The following USH2A variants were observed in gnomAD, a reference collection of about 807,000 sequenced individuals.
USH2A encodes the protein usherin.
A neutral mutation model predicts 538.9 loss-of-function variants in USH2A; 443 were observed. That is an observed-to-expected ratio of 0.82 (90% CI 0.76 to 0.89). USH2A has a LOEUF of 0.89. USH2A is among the 40% of genes least tolerant of loss of function. The pLI is 0.00. For synonymous variants in USH2A, 2,413 were observed against 2,273.5 expected, an observed-to-expected ratio of 1.06 and a Z score of -1.75; for missense variants, 6,633 against 6,324.8, an observed-to-expected ratio of 1.05 and a Z score of -1.65.
At chr1:215,846,840 G>A (rs909594236) in intron 44 of USH2A, among the ~76,000 whole-genome samples, 6 of 152,034 alleles carry the variant, frequency 3.9e-5, no homozygotes, top group East Asian at 3.9e-4. Context: ...AACAACATTC[G>A]CTAACTGATA....
intron 44 of USH2A, 47 bp from the exon 45 acceptor site, chr1:215,846,080 A>G (rs1558125107): frequency 6.4e-7 from 1 of 1,573,160 alleles, no homozygotes; most frequent in Non-Finnish European, 8.7e-7. Context: ...TGAGGCTTTC[A>G]GGGGAAAAAA....
At chr1:216,421,799 A>G in intron 2 of USH2A, 53 bp downstream of exon 2, 2 of 1,613,182 alleles carry the variant, frequency 1.2e-6, no homozygotes, top group Non-Finnish European at 8.5e-7. Context: ...AATGATCTTC[A>G]CTACTACTGG....
At chr1:215,810,575 T>C (rs1429450424) in intron 49 of USH2A, among the ~76,000 whole-genome samples, 1 of 152,214 alleles carries the variant, frequency 6.6e-6, no homozygotes, top group East Asian at 1.9e-4. Flanking sequence ...CTTAGTTCCA[T>C]GATCAACTTG....
intron 4 of USH2A, among the ~76,000 whole-genome samples, chr1:216,356,996 A>C (rs144344060): frequency 6.6e-6 from 1 of 152,242 alleles, no homozygotes; most frequent in Non-Finnish European, 1.5e-5. Context: ...CCAGTTTAAT[A>C]GTCAGATGTT....
chr1:216,058,360 T>A (rs1277101698), intron 30 of USH2A, among the ~76,000 whole-genome samples: 12 of 149,364 alleles, frequency 8.0e-5, no homozygotes. Flanking sequence ...AATCTTATAC[T>A]TCAGAGAGAG....
intron 4 of USH2A, among the ~76,000 whole-genome samples, chr1:216,347,643 T>C (rs902874625): frequency 5.3e-5 from 8 of 152,166 alleles, no homozygotes; most frequent in Non-Finnish European, 1.0e-4. Context: ...GTAATTCTGA[T>C]ATGACTTAGT....
chr1:215,799,030 G>T lies in USH2A; in HGVS notation c.9835C>A (p.Gln3279Lys). 1 of 1,614,042 alleles carries T rather than the reference G, an allele frequency of 6.2e-7. No homozygotes were observed. Among genetic ancestry groups the T allele is most frequent in the African/African-American group, 1.3e-5 (1 of 75,032 alleles). The change falls in exon 50 of 72, where the codon CAG (glutamine) becomes AAG (lysine). Residue 3279 changes from glutamine to lysine, a missense_variant. Gln to Lys is a moderately conservative substitution (Grantham distance 53). Transcript: ENST00000307340. ...TGAAGCCTCCCAGCACAGCAAATCT[G>T]GTTTCCTGAGGTGGAGTACGGCATT... ...GRMPYSTSGN[Q>K]ICCAGRLHDG...
intron 8 of USH2A, among the ~76,000 whole-genome samples, chr1:216,322,831 T>C (rs1206936775): frequency 6.6e-6 from 1 of 152,150 alleles, no homozygotes; most frequent in East Asian, 1.9e-4. Context: ...CTATCATTCC[T>C]CCAGAACAAT....
chr1:216,015,852 C>T (rs552640033), intron 32 of USH2A, among the ~76,000 whole-genome samples: 67 of 152,246 alleles, frequency 4.4e-4, no homozygotes, highest in Non-Finnish European at 7.5e-4. Context: ...GGCATATACC[C>T]AAAGGATTAT....
chr1:215,709,767 A>G (rs1461648127), intron 61 of USH2A, among the ~76,000 whole-genome samples: 1 of 152,020 alleles, frequency 6.6e-6, no homozygotes, highest in African/African-American at 2.4e-5. Flanking sequence ...TGAAGAATGT[A>G]GTTGGAGACA....
intron 3 of USH2A, among the ~76,000 whole-genome samples, chr1:216,417,013 G>C (rs1056018192): frequency 6.6e-6 from 1 of 152,060 alleles, no homozygotes; most frequent in African/African-American, 2.4e-5. Flanking sequence ...AGGACAAATT[G>C]GTCTCCTATC....
chr1:216,382,208 C>A (rs1312607811), intron 3 of USH2A, among the ~76,000 whole-genome samples: 1 of 152,098 alleles, frequency 6.6e-6, no homozygotes, highest in Non-Finnish European at 1.5e-5. Context: ...ACAAATAAAG[C>A]ACATTGAGTA....
In USH2A at chr1:215,678,161, T is replaced by C. The variant is rs552616297; in HGVS notation, c.12294+1988A>G. 7.2e-5 allele frequency among the ~76,000 whole-genome samples: 11 copies of C among 152,370 alleles called. 1 individual carries two copies. In the South Asian group the frequency reaches 2.3e-3, roughly 32 times the overall value. ...ATCTTTAATAGTTCTCAAACTCCAT[T>C]GGTCCTTATATAGTCCATTTTCCAC... On this transcript the variant is annotated intron_variant, in intron 62 of 71. Transcript: ENST00000307340.
intron 47 of USH2A, among the ~76,000 whole-genome samples, chr1:215,824,851 TG>T (rs1223001069): frequency 6.6e-6 from 1 of 152,156 alleles, no homozygotes; most frequent in Non-Finnish European, 1.5e-5. Flanking sequence ...CTGAATATAT[TG>T]GGGAGATGGG....
chr1:216,394,734 T>TTTTTTTTTTTTTTA (rs2039175600), intron 3 of USH2A, among the ~76,000 whole-genome samples: 1 of 144,998 alleles, frequency 6.9e-6, no homozygotes. Context: ...TTTTTTTTTT[T>TTTTTTTTTTTTTTA]TTGAGACAGA....
intron 15 of USH2A, 118 bp downstream of exon 15, chr1:216,217,269 G>A (rs571172922): frequency 1.1e-5 from 15 of 1,308,904 alleles, no homozygotes; most frequent in Admixed American, 2.0e-5. Context: ...TCTTACCTAC[G>A]TTCTTCACAT....
chr1:216,076,595 C>A (rs953122825), intron 27 of USH2A, among the ~76,000 whole-genome samples: 1 of 151,978 alleles, frequency 6.6e-6, no homozygotes, highest in Non-Finnish European at 1.5e-5. Flanking sequence ...TCTTTCTAAC[C>A]TCAGAAACCT....
rs1661943909 is a variant in USH2A at position 215,790,235 on chromosome 1, A to G, written c.10006T>C (p.Cys3336Arg). The change falls in exon 51 of 72, where the codon TGC (cysteine) becomes CGC (arginine). Residue 3336 changes from cysteine (C) to arginine (R), a missense_variant. By Grantham distance (180) the Cys-to-Arg change is radical (BLOSUM62 -3). Transcript: ENST00000307340. ...QDYVNMSDTICCSASSGESKA... is the reference protein window; with the variant it reads ...QDYVNMSDTIRCSASSGESKA... ...GACTCTCCACTGGAAGCTGAGCAGC[A>G]TATGGTATCTGACATATTCACATAA... 6.2e-7 allele frequency: 1 copy of G among 1,614,118 alleles called. No individual in the cohort carries two copies. Among genetic ancestry groups the G allele is most frequent in the Non-Finnish European group, 8.5e-7 (1 of 1,180,006 alleles).
At chr1:215,966,259 G>C (rs1236248180) in intron 36 of USH2A, among the ~76,000 whole-genome samples, 1 of 152,108 alleles carries the variant, frequency 6.6e-6, no homozygotes, top group Non-Finnish European at 1.5e-5. Flanking sequence ...AGTGGTCAGA[G>C]GAAGATGTAG....
Sources: gnomAD v4.1 joint callset for allele counts (sites outside exome capture counted in the v4.1 genomes callset) on GRCh38, gnomAD v4.1.1 for gene constraint, MANE v1.5 for transcripts, NCBI Gene and HGNC (gene_info 2026-07-23, HGNC 2026-07-21) for gene names.